Variants in KHDRBS2 observed in about 807,000 individuals in gnomAD.
KHDRBS2 encodes KH RNA binding domain containing, signal transduction associated 2, also known as KH domain-containing, RNA-binding, signal transduction-associated protein 2.
Under a neutral mutation model 44.3 loss-of-function variants are expected in KHDRBS2, and 26 were observed. The ratio of observed to expected loss-of-function variants is 0.59; its 90% confidence interval spans 0.43 to 0.81. The LOEUF (loss-of-function observed/expected upper bound fraction) is 0.81. KHDRBS2 is among the 40% of genes least tolerant of loss of function. The probability of loss-of-function intolerance (pLI) is 0.00; values close to 1 mark genes in which losing one functional copy is unlikely to be tolerated. For missense variants in KHDRBS2, 476 were observed against 433.1 expected (o/e 1.10, Z -0.88); for synonymous variants, 194 against 151.1 (o/e 1.28, Z -2.08).
intron 3 of KHDRBS2, among the ~76,000 whole-genome samples, chr6:62,009,562 T>C (rs1436509527): frequency 6.6e-6 from 1 of 152,134 alleles, no homozygotes; most frequent in Non-Finnish European, 1.5e-5. Flanking sequence ...GTCTGAGATC[T>C]TCATGGCAGC....
chr6:62,199,881 A>C (rs906291092), intron 1 of KHDRBS2, among the ~76,000 whole-genome samples: 40 of 152,198 alleles, frequency 2.6e-4, no homozygotes, highest in African/African-American at 8.7e-4. Context: ...TGGTACTAAA[A>C]AAGAGATATA....
At chr6:61,636,523 G>T in the KHDRBS2 span, among the ~76,000 whole-genome samples, 2 of 151,970 alleles carry the variant, frequency 1.3e-5, no homozygotes, top group Admixed American at 6.6e-5. Context: ...ATCTAATCTT[G>T]TGACTCAATA....
chr6:61,549,691 T>G, the KHDRBS2 span, among the ~76,000 whole-genome samples: 1 of 152,150 alleles, frequency 6.6e-6, no homozygotes. Context: ...CAGACGATTG[T>G]GAATATTTTT....
the KHDRBS2 span, among the ~76,000 whole-genome samples, chr6:61,659,645 T>C: frequency 2.6e-5 from 4 of 151,766 alleles, no homozygotes; most frequent in African/African-American, 7.3e-5. Context: ...TTTTCTTGCA[T>C]CTTAAAATCC....
intron 2 of KHDRBS2, among the ~76,000 whole-genome samples, chr6:62,166,513 T>C (rs759318270): frequency 6.6e-6 from 1 of 152,072 alleles, no homozygotes; most frequent in Admixed American, 6.6e-5. Flanking sequence ...TCTACATGGA[T>C]CCAAATGTCT....
chr6:61,865,437 T>A (rs888067027), intron 6 of KHDRBS2, among the ~76,000 whole-genome samples: 1 of 152,138 alleles, frequency 6.6e-6, no homozygotes, highest in Admixed American at 6.5e-5. Context: ...AAGAGAAAGC[T>A]TGAGCAGGGG....
intron 2 of KHDRBS2, among the ~76,000 whole-genome samples, chr6:62,118,730 C>A (rs906083474): frequency 6.6e-6 from 1 of 152,094 alleles, no homozygotes; most frequent in Admixed American, 6.5e-5. Flanking sequence ...AGTCTTCCAG[C>A]CTTCATCTTT....
At chr6:61,871,695 A>G (rs1321679182) in intron 6 of KHDRBS2, among the ~76,000 whole-genome samples, 1 of 152,222 alleles carries the variant, frequency 6.6e-6, no homozygotes, top group Non-Finnish European at 1.5e-5. Context: ...AGTGGGGGCC[A>G]ATATTCAACA....
chr6:61,602,063 C>T, the KHDRBS2 span, among the ~76,000 whole-genome samples: 1 of 152,222 alleles, frequency 6.6e-6, no homozygotes, highest in South Asian at 2.1e-4. Flanking sequence ...CAGCCCTAGA[C>T]CCTAAAAGGT....
the KHDRBS2 span, among the ~76,000 whole-genome samples, chr6:61,551,008 G>T: frequency 3.3e-5 from 5 of 151,942 alleles, no homozygotes; most frequent in African/African-American, 9.7e-5. Context: ...TTCTGGCCTC[G>T]AGTGATATGC....
At chr6:62,107,776 CAG>C (rs919552466) in intron 2 of KHDRBS2, among the ~76,000 whole-genome samples, 2 of 152,118 alleles carry the variant, frequency 1.3e-5, no homozygotes, top group Admixed American at 1.3e-4. Context: ...ACAGAGCTCT[CAG>C]AAATAATGCC....
the KHDRBS2 span, among the ~76,000 whole-genome samples, chr6:61,548,994 A>G: frequency 6.6e-6 from 1 of 152,156 alleles, no homozygotes; most frequent in Non-Finnish European, 1.5e-5. Context: ...AAAGTCCCCC[A>G]GAGTGGGTTT....
At chr6:61,978,837 G>A (rs1773262452) in intron 3 of KHDRBS2, among the ~76,000 whole-genome samples, 1 of 151,916 alleles carries the variant, frequency 6.6e-6, no homozygotes, top group South Asian at 2.1e-4. Flanking sequence ...ACATTTTGCT[G>A]GCATTGATTC....
At chr6:62,191,002 C>T (rs1824482061) in intron 1 of KHDRBS2, among the ~76,000 whole-genome samples, 1 of 152,086 alleles carries the variant, frequency 6.6e-6, no homozygotes, top group Non-Finnish European at 1.5e-5. Context: ...CCATATAAAA[C>T]TTGTCTTCCA....
At chr6:62,137,204 T>C (rs1208906821) in intron 2 of KHDRBS2, among the ~76,000 whole-genome samples, 1 of 151,980 alleles carries the variant, frequency 6.6e-6, no homozygotes, top group Non-Finnish European at 1.5e-5. Context: ...GGTTTCACCG[T>C]GTTAGCCAGG....
intron 2 of KHDRBS2, among the ~76,000 whole-genome samples, chr6:62,166,843 TAGC>T (rs1369156876): frequency 6.6e-6 from 1 of 151,954 alleles, no homozygotes; most frequent in African/African-American, 2.4e-5. Context: ...ACAAAAGAAA[TAGC>T]AGAAGATCCA....
chr6:61,767,571 T>C (rs748722275), intron 6 of KHDRBS2, among the ~76,000 whole-genome samples: 2 of 152,070 alleles, frequency 1.3e-5, no homozygotes, highest in Non-Finnish European at 2.9e-5. Flanking sequence ...CCTTCCTTTG[T>C]TTTTGTGAAG....
the KHDRBS2 span, among the ~76,000 whole-genome samples, chr6:61,638,178 A>G: frequency 6.6e-6 from 1 of 152,096 alleles, no homozygotes. Context: ...TATGGAACCA[A>G]AAAAGAGCCC....
At chr6:61,723,569 AC>A (rs1294238777) in intron 7 of KHDRBS2, among the ~76,000 whole-genome samples, 21 of 152,012 alleles carry the variant, frequency 1.4e-4, no homozygotes, top group Non-Finnish European at 2.9e-4. Flanking sequence ...AAACAAACAA[AC>A]AAACAAAAAA....
Sources: gnomAD v4.1 joint callset for allele counts (sites outside exome capture counted in the v4.1 genomes callset) on GRCh38, gnomAD v4.1.1 for gene constraint, MANE v1.5 for transcripts, NCBI Gene and HGNC (gene_info 2026-07-23, HGNC 2026-07-21) for gene names.